The following PPP1R7 variants were observed in gnomAD, a reference collection of about 807,000 sequenced individuals.
The protein encoded by PPP1R7 is protein phosphatase 1 regulatory subunit 7, also known as protein phosphatase 1 regulatory subunit 22.
A neutral mutation model predicts 45.2 loss-of-function variants in PPP1R7; 18 were observed. The ratio of observed to expected loss-of-function variants is 0.40; its 90% CI spans 0.28 to 0.59. The LOEUF is 0.59. PPP1R7 is among the 20% of genes least tolerant of loss of function. PPP1R7 has a pLI of 0.46. For synonymous variants in PPP1R7, 181 were observed against 183.4 expected (o/e 0.99, Z 0.11); for missense variants, 314 against 455.8 (o/e 0.69, Z 2.83).
Position 241,182,865 on chromosome 2 carries a change from C to T in PPP1R7, c.*42C>T, listed in dbSNP as rs2068029185. 2 of 1,588,094 alleles carry T rather than the reference C, an allele frequency of 1.3e-6. No individual in the cohort carries two copies. The highest frequency in any genetic ancestry group is 1.7e-6 in the Non-Finnish European group (2 of 1,160,834). ...CATGTGGTCCCTCTCCTCGGAAGAA[C>T]TGCCCAGCCACGGGTTTTTAACCCA... On this transcript the variant is annotated 3_prime_UTR_variant, in exon 10 of 10. Transcript: ENST00000234038.
At chr2:241,176,803 A>G (rs2067915889) in intron 9 of PPP1R7, among the ~76,000 whole-genome samples, 1 of 152,226 alleles carries the variant, frequency 6.6e-6, no homozygotes. Context: ...AGTGAGATAC[A>G]GTGTTATCTG....
chr2:241,149,739 C>T (rs2067195504), upstream of PPP1R7: 3 of 1,544,928 alleles, frequency 1.9e-6, no homozygotes, highest in African/African-American at 1.4e-5. Flanking sequence ...CTCTTGGAGG[C>T]CTCTTTCTGA....
chr2:241,159,970 T>C (rs2125488490), intron 5 of PPP1R7, among the ~76,000 whole-genome samples: 1 of 152,356 alleles, frequency 6.6e-6, no homozygotes, highest in East Asian at 1.9e-4. Context: ...TTTGTTTCTG[T>C]TTCTAATTCA....
rs958150656 is a variant in PPP1R7, at chr2:241,151,036, G to C, written c.52+489G>C. On this transcript the variant is annotated intron_variant, in intron 1 of 9. Transcript: ENST00000234038. ...GGAACCGGAAGATTGAGTTACACAAGGTGATACCTGTTTTCAAAGCTGTCA... is the reference window on the plus strand; with the variant it reads ...GGAACCGGAAGATTGAGTTACACAACGTGATACCTGTTTTCAAAGCTGTCA... Among the ~76,000 whole-genome samples, 2 of 152,202 alleles carry C rather than the reference G, an allele frequency of 1.3e-5. 1 individual carries two copies. The highest frequency in any genetic ancestry group is 4.1e-4 in the South Asian group (2 of 4,834).
intron 5 of PPP1R7, 56 bp downstream of exon 5, chr2:241,159,399 G>C (rs993507598): frequency 6.3e-7 from 1 of 1,595,554 alleles, no homozygotes; most frequent in African/African-American, 1.3e-5. Context: ...TGGGTGGGGG[G>C]TGTCCAGTCT....
chr2:241,160,870 C>T (rs138005157), intron 6 of PPP1R7, among the ~76,000 whole-genome samples: 1,930 of 152,084 alleles, frequency 0.013, 61 homozygotes, highest in East Asian at 0.099. Flanking sequence ...GTTTCCCAAG[C>T]CCAGCAAAGT....
At chr2:241,160,638 A>G (rs1401920940) in intron 6 of PPP1R7, 144 bp downstream of exon 6, 5 of 816,440 alleles carry the variant, frequency 6.1e-6, no homozygotes, top group Non-Finnish European at 9.1e-6. Context: ...GGAAATTACT[A>G]TTTTTTTAAG....
At chr2:241,156,553 G>A (rs1033927500) in intron 2 of PPP1R7, among the ~76,000 whole-genome samples, 4 of 152,086 alleles carry the variant, frequency 2.6e-5, no homozygotes, top group Admixed American at 6.6e-5. Context: ...GCACACACCC[G>A]TAGTCTCAGC....
At chr2:241,172,638 C>G (rs533944104) in intron 9 of PPP1R7, among the ~76,000 whole-genome samples, 25 of 149,620 alleles carry the variant, frequency 1.7e-4, no homozygotes, top group South Asian at 4.2e-4. Context: ...AGTGAAACTC[C>G]GTCTCAAAAA....
chr2:241,160,205 C>CCCCCAAA, intron 5 of PPP1R7, 127 bp from the exon 6 acceptor site: 1 of 687,160 alleles, frequency 1.5e-6, no homozygotes, highest in Non-Finnish European at 2.4e-6. Context: ...CAGAACCCCC[C>CCCCCAAA]ACCCTCTCCC....
At chr2:241,177,232 C>T (rs2067923051) in intron 9 of PPP1R7, among the ~76,000 whole-genome samples, 1 of 151,834 alleles carries the variant, frequency 6.6e-6, no homozygotes, top group Non-Finnish European at 1.5e-5. Context: ...TCCTAGCCAA[C>T]ATGGTGAAAC....
intron 1 of PPP1R7, among the ~76,000 whole-genome samples, chr2:241,152,942 A>G (rs1487881332): frequency 2.6e-5 from 4 of 152,226 alleles, no homozygotes; most frequent in Non-Finnish European, 4.4e-5. Context: ...GGCGGTCAGC[A>G]CTATTGGCTG....
intron 9 of PPP1R7, among the ~76,000 whole-genome samples, chr2:241,175,676 C>G (rs1011530191): frequency 4.6e-5 from 7 of 152,274 alleles, no homozygotes; most frequent in African/African-American, 1.7e-4. Flanking sequence ...CTCACTGAAG[C>G]CTTGGCCTCC....
chr2:241,165,607 G>A (rs115291345), intron 7 of PPP1R7, among the ~76,000 whole-genome samples: 3,778 of 149,280 alleles, frequency 0.025, 146 homozygotes, highest in African/African-American at 0.09. Context: ...TTGTTTGTTC[G>A]TTTTGAGACG....
chr2:241,150,668 CCTGACAG>C, intron 1 of PPP1R7, 121 bp downstream of exon 1: 1 of 1,304,630 alleles, frequency 7.7e-7, no homozygotes, highest in South Asian at 2.0e-5. Flanking sequence ...CGCGCGGCCC[CCTGACAG>C]CTGACAGCCG....
At chr2:241,163,722 G>T (rs750947292) in intron 7 of PPP1R7, among the ~76,000 whole-genome samples, 1 of 152,054 alleles carries the variant, frequency 6.6e-6, no homozygotes, top group African/African-American at 2.4e-5. Context: ...TCCCACCTCA[G>T]CCTACCAAGT....
chr2:241,166,928 C>G, intron 8 of PPP1R7: 2 of 867,286 alleles, frequency 2.3e-6, no homozygotes, highest in South Asian at 1.6e-5. Flanking sequence ...AGTCCCAGCC[C>G]CTTCCTCTTC....
rs1236585024 is a variant in PPP1R7 at position 241,183,363 on chromosome 2, T to C, written c.*540T>C. 1 of 468,960 alleles carries C rather than the reference T, an allele frequency of 2.1e-6. No individual in the cohort carries two copies. The highest frequency in any genetic ancestry group is 6.9e-5 in the East Asian group (1 of 14,412). The allele number at this position is 468,960 out of a possible 1,614,324, so 29.0% of individuals were successfully genotyped here. The stretch of plus-strand genomic sequence containing the variant: ...GGGTAAAAGCTGACTCAGCCCTGTG[T>C]GCTTGTGTTCCTTAGAGCTCTCCTT... On this transcript the variant is annotated 3_prime_UTR_variant, in exon 10 of 10. Transcript: ENST00000234038.
chr2:241,158,549 G>A lies in PPP1R7; in HGVS notation c.303G>A (p.Lys101=). 1.2e-6 allele frequency: 2 copies of A among 1,612,514 alleles called. No homozygotes were observed. The highest frequency in any genetic ancestry group is 1.7e-6 in the Non-Finnish European group (2 of 1,178,470). Residue 101 remains lysine (K), a splice_region_variant and synonymous_variant, in exon 4 of 10, where the codon AAG becomes AAA. Transcript: ENST00000234038. ...IEGFEVLKKV[K]TLCLRQNLIK... ...GATTTGAGGTACTGAAGAAAGTGAA[G>A]GTGAGAGGGACTCTTATGAGGGGAC... is the stretch of plus-strand genomic sequence containing the variant.
Sources: gnomAD v4.1 joint callset for allele counts (sites outside exome capture counted in the v4.1 genomes callset) on GRCh38, gnomAD v4.1.1 for gene constraint, MANE v1.5 for transcripts, NCBI Gene and HGNC (gene_info 2026-07-23, HGNC 2026-07-21) for gene names.